TTLL11: variants seen among roughly 807,000 people sequenced by gnomAD.
The protein encoded by TTLL11 is tubulin tyrosine ligase like 11.
Under a neutral mutation model 51.7 loss-of-function variants are expected in TTLL11, and 42 were observed. That is an observed-to-expected ratio of 0.81 (90% CI 0.64 to 1.05). The LOEUF is 1.05. TTLL11 is among the 50% of genes least tolerant of loss of function. The pLI is 0.00. For synonymous variants in TTLL11, 381 were observed against 383.5 expected (o/e 0.99, Z 0.08); for missense variants, 799 against 940.4 (o/e 0.85, Z 1.97).
At chr9:122,010,184 T>G (rs1843756619) in intron 3 of TTLL11, among the ~76,000 whole-genome samples, 1 of 152,206 alleles carries the variant, frequency 6.6e-6, no homozygotes, top group Non-Finnish European at 1.5e-5. Context: ...TTAACACAAG[T>G]CTCTTTCCTC....
chr9:121,818,036 T>C lies in TTLL11; in HGVS notation c.*4551A>G, dbSNP rs1448063588. The C allele has an allele frequency of 2.0e-5, 3 of 152,422 alleles. No homozygotes were observed. Among genetic ancestry groups the C allele is most frequent in the East Asian group, 3.9e-4 (2 of 5,188 alleles). The allele number at this position is 152,422 out of a possible 1,614,324, so 9.4% of individuals were successfully genotyped here. The stretch of plus-strand genomic sequence containing the variant: ...TATCCTCCCACTCCATTCCCCTGAC[T>C]ACCTACATGCACATCCGGAGGACCT... On this transcript the variant is annotated 3_prime_UTR_variant, in exon 9 of 9. Coordinates refer to ENST00000321582, the MANE Select transcript of TTLL11 (RefSeq NM_001139442.2).
intron 1 of TTLL11, among the ~76,000 whole-genome samples, chr9:122,055,033 G>A (rs553551529): frequency 2.0e-5 from 3 of 152,152 alleles, no homozygotes; most frequent in South Asian, 4.2e-4. Flanking sequence ...TGGTGTTGCC[G>A]GTCCATAAAT....
chr9:122,040,997 G>A (rs1321118595), intron 1 of TTLL11, among the ~76,000 whole-genome samples: 1 of 152,206 alleles, frequency 6.6e-6, no homozygotes, highest in Non-Finnish European at 1.5e-5. Context: ...AGGGTAAAGT[G>A]GCTTTGCTTT....
At chr9:122,072,674 A>T (rs1390834450) in intron 1 of TTLL11, among the ~76,000 whole-genome samples, 1 of 151,996 alleles carries the variant, frequency 6.6e-6, no homozygotes. Context: ...TCTCCTAAAC[A>T]CCCAGTGTTC....
rs1425847194 is a variant in TTLL11 at position 121,820,303 on chromosome 9, A to G, written c.*2284T>C. Among the ~76,000 whole-genome samples the G allele has an allele frequency of 6.6e-6, 1 of 152,254 alleles. No individual in the cohort carries two copies. The highest frequency in any genetic ancestry group is 6.5e-5 in the Admixed American group (1 of 15,292). ...GAGTACTTTCTGAAGACCAACTTCA[A>G]GAAATGGTGTCACGTGAGAGCTTTG... On this transcript the variant is annotated 3_prime_UTR_variant, in exon 9 of 9. Transcript: ENST00000321582.
At chr9:122,028,028 T>C (rs1374496979) in intron 3 of TTLL11, among the ~76,000 whole-genome samples, 4 of 152,206 alleles carry the variant, frequency 2.6e-5, no homozygotes, top group African/African-American at 7.2e-5. Context: ...AAGGCGCTAA[T>C]ATGTTACTTG....
At chr9:121,942,079 C>T (rs2131582765) in intron 6 of TTLL11, among the ~76,000 whole-genome samples, 1 of 152,286 alleles carries the variant, frequency 6.6e-6, no homozygotes, top group Non-Finnish European at 1.5e-5. Context: ...GTCAACTTAA[C>T]CCTAGAATCA....
At chr9:121,953,704 C>T (rs890272682) in intron 6 of TTLL11, among the ~76,000 whole-genome samples, 12 of 149,746 alleles carry the variant, frequency 8.0e-5, no homozygotes, top group Non-Finnish European at 1.3e-4. Context: ...GAACCAAGAA[C>T]CAGTTTATAG....
rs1588181816 is a variant in TTLL11 at position 121,989,873 on chromosome 9, G to A, written c.694-103C>T. 3 of 1,504,978 alleles carry A rather than the reference G, an allele frequency of 2.0e-6. No homozygotes were observed. The highest frequency in any genetic ancestry group is 2.7e-5 in the South Asian group (2 of 74,092). The allele number at this position is 1,504,978 out of a possible 1,614,324, so 93.2% of individuals were successfully genotyped here. ...ATGTGTGGTGAATGAGTGACAAGAT[G>A]ATCCCTGCCGATCTGAGCAGGGGCT... On this transcript the variant is annotated intron_variant, in intron 3 of 8. Coordinates refer to ENST00000321582, the MANE Select transcript of TTLL11 (RefSeq NM_001139442.2). The surrounding 1 kb of genome is among the most constrained non-coding windows in gnomAD (Gnocchi z 4.2).
In TTLL11 at chr9:122,014,888, T is replaced by C. The variant is rs116433244; in HGVS notation, c.693+16835A>G. On this transcript the variant is annotated intron_variant, in intron 3 of 8. Transcript: ENST00000321582. The stretch of plus-strand genomic sequence containing the variant: ...AATGGTCACCTTCCTCTACCAGAAA[T>C]CCTGAGGGCAAGGGGATTTCTAACT... Among the ~76,000 whole-genome samples the C allele has an allele frequency of 3.0e-3, 464 of 152,252 alleles. 2 individuals carry two copies. Among genetic ancestry groups the C allele is most frequent in the African/African-American group, 9.6e-3 (397 of 41,550 alleles).
chr9:121,897,320 CAGCT>C (rs1436504786), intron 6 of TTLL11, among the ~76,000 whole-genome samples: 1 of 152,166 alleles, frequency 6.6e-6, no homozygotes, highest in Admixed American at 6.5e-5. Flanking sequence ...CGAGATCACA[CAGCT>C]AGCACGCGGT....
chr9:121,914,185 C>T (rs767559837), intron 6 of TTLL11, among the ~76,000 whole-genome samples: 11 of 152,152 alleles, frequency 7.2e-5, no homozygotes, highest in Non-Finnish European at 1.2e-4. Context: ...GCAATCTGTT[C>T]GTGTAAATAA....
At chr9:121,997,628 C>T (rs934264052) in intron 3 of TTLL11, among the ~76,000 whole-genome samples, 2 of 152,214 alleles carry the variant, frequency 1.3e-5, no homozygotes, top group Admixed American at 1.3e-4. Flanking sequence ...AGCTCAGCCA[C>T]TTCCTAGCTG....
intron 6 of TTLL11, among the ~76,000 whole-genome samples, chr9:121,949,379 TAA>T (rs1841781103): frequency 1.3e-5 from 2 of 152,226 alleles, no homozygotes; most frequent in South Asian, 4.1e-4. Context: ...TTAAAACCTC[TAA>T]GACAAACTCG....
chr9:121,826,452 CAT>C (rs1175519051), intron 8 of TTLL11, among the ~76,000 whole-genome samples: 2 of 66,950 alleles, frequency 3.0e-5, no homozygotes, highest in South Asian at 6.5e-4. Context: ...TGGGTAAAAC[CAT>C]ATATATATGT....
intron 4 of TTLL11, among the ~76,000 whole-genome samples, chr9:121,981,789 C>A (rs1842836006): frequency 6.6e-6 from 1 of 152,166 alleles, no homozygotes; most frequent in Non-Finnish European, 1.5e-5. Context: ...AGAATTTAAC[C>A]CTCGCTGTTA....
intron 1 of TTLL11, among the ~76,000 whole-genome samples, chr9:122,055,422 C>A (rs1361265352): frequency 6.6e-6 from 1 of 152,094 alleles, no homozygotes; most frequent in Non-Finnish European, 1.5e-5. Flanking sequence ...CTAAGCCATT[C>A]CAGGATTTTC....
intron 3 of TTLL11, among the ~76,000 whole-genome samples, chr9:122,015,392 T>G (rs1449924549): frequency 6.6e-6 from 1 of 151,850 alleles, no homozygotes; most frequent in Non-Finnish European, 1.5e-5. Context: ...GATGGGGAGG[T>G]GAAACCATGG....
In TTLL11 at chr9:121,824,242, C is replaced by T. The variant is rs190343402; in HGVS notation, c.1841-1363G>A. 8.0e-3 allele frequency among the ~76,000 whole-genome samples: 1,215 copies of T among 152,046 alleles called. 7 individuals are homozygous for T. The highest frequency in any genetic ancestry group is 0.011 in the Non-Finnish European group (767 of 67,972). On this transcript the variant is annotated intron_variant, in intron 8 of 8. Coordinates refer to ENST00000321582, the MANE Select transcript of TTLL11 (RefSeq NM_001139442.2). ...CTGTAATCCTAGCACTTTGGGAGGC[C>T]GAGGTGGGCGGATCACGAGGTCAGG... is the stretch of plus-strand genomic sequence containing the variant.
Sources: allele counts gnomAD v4.1 joint callset (sites outside exome capture counted in the v4.1 genomes callset), GRCh38; gene constraint gnomAD v4.1.1; non-coding constraint Gnocchi (gnomAD v3.1); transcripts MANE v1.5; gene names NCBI Gene and HGNC (gene_info 2026-07-23, HGNC 2026-07-21).